MARCHF1: variants seen among roughly 807,000 people sequenced by gnomAD.
MARCHF1 encodes E3 ubiquitin-protein ligase MARCHF1.
A neutral mutation model predicts 54.2 loss-of-function variants in MARCHF1; 40 were observed. The ratio of observed to expected loss-of-function variants is 0.74; its 90% CI spans 0.57 to 0.96. The LOEUF is 0.96. MARCHF1 is among the 40% of genes least tolerant of loss of function. MARCHF1 has a pLI of 0.00. For synonymous variants in MARCHF1, 236 were observed against 236.3 expected (o/e 1.00, Z 0.01); for missense variants, 586 against 656.5 (o/e 0.89, Z 1.17).
intron 1 of MARCHF1, among the ~76,000 whole-genome samples, chr4:164,216,467 A>G (rs748029136): frequency 4.3e-4 from 66 of 152,346 alleles, no homozygotes; most frequent in Non-Finnish European, 8.4e-4. Context: ...AAGGAAAGAA[A>G]AGAAAAAAAT....
intron 2 of MARCHF1, among the ~76,000 whole-genome samples, chr4:164,045,953 T>C (rs1175514090): frequency 6.6e-6 from 1 of 152,212 alleles, no homozygotes; most frequent in Non-Finnish European, 1.5e-5. Flanking sequence ...TGCTGTCACT[T>C]CATGGATGCT....
At chr4:163,872,460 A>C (rs1560797630) in intron 3 of MARCHF1, among the ~76,000 whole-genome samples, 1 of 152,218 alleles carries the variant, frequency 6.6e-6, no homozygotes, top group Non-Finnish European at 1.5e-5. Context: ...GAGAAATTTG[A>C]AAATCATGCT....
At position 164,277,598 on chromosome 4, in the gene MARCHF1, T is replaced by A. The variant is rs572227112; in HGVS notation, c.-323+106272A>T. Among the ~76,000 whole-genome samples, 169 of 152,384 alleles carry A rather than the reference T, an allele frequency of 1.1e-3. 1 individual carries two copies. The highest frequency in any genetic ancestry group is 4.0e-3 in the African/African-American group (165 of 41,600). On this transcript the variant is annotated intron_variant, in intron 1 of 9. Coordinates refer to ENST00000514618, the MANE Select transcript of MARCHF1 (RefSeq NM_001394959.1). ...CTTTCCACTTTTGCCAACTAATCCC[T>A]GCTCAACTTTTAATCTCAGCAGGAG...
At chr4:163,601,643 A>C (rs2110888327) in intron 7 of MARCHF1, among the ~76,000 whole-genome samples, 1 of 152,246 alleles carries the variant, frequency 6.6e-6, no homozygotes, top group Middle Eastern at 3.4e-3. Flanking sequence ...ATATAGCCTC[A>C]TAACACGTAA....
Position 164,226,809 on chromosome 4 carries a change from C to T in MARCHF1, c.-322-115147G>A, listed in dbSNP as rs947837130. On this transcript the variant is annotated intron_variant, in intron 1 of 9. Coordinates refer to ENST00000514618, the MANE Select transcript of MARCHF1 (RefSeq NM_001394959.1). ...CCCCATCTCTCTCATTAACTTGCTT[C>T]CTAGTGAAATTTTTTACCCATAACA... is the stretch of plus-strand genomic sequence containing the variant. Among the ~76,000 whole-genome samples, 5 of 152,046 alleles carry T rather than the reference C, an allele frequency of 3.3e-5. No individual in the cohort carries two copies. The South Asian group carries it at 1.0e-3, about 32-fold the overall frequency.
At chr4:163,855,850 G>C (rs1037542616) in intron 3 of MARCHF1, among the ~76,000 whole-genome samples, 4 of 152,122 alleles carry the variant, frequency 2.6e-5, no homozygotes, top group Non-Finnish European at 4.4e-5. Flanking sequence ...GGTGGCAGTA[G>C]CTTTGTCATT....
chr4:164,318,872 G>T lies in MARCHF1; in HGVS notation c.-323+64998C>A, dbSNP rs1398571679. ...ATGAGAATACTAATCTATATCATTT[G>T]TAATATGTTTATATATAAAACACAC... is the stretch of plus-strand genomic sequence containing the variant. On this transcript the variant is annotated intron_variant, in intron 1 of 9. Coordinates refer to ENST00000514618, the MANE Select transcript of MARCHF1 (RefSeq NM_001394959.1). 2.0e-5 allele frequency among the ~76,000 whole-genome samples: 3 copies of T among 152,152 alleles called. No homozygotes were observed. The East Asian group carries it at 5.8e-4, about 29-fold the overall frequency.
intron 4 of MARCHF1, among the ~76,000 whole-genome samples, chr4:163,799,647 G>T (rs1019192115): frequency 6.6e-6 from 1 of 151,994 alleles, no homozygotes; most frequent in East Asian, 1.9e-4. Flanking sequence ...TATCTTTATA[G>T]GGCTTAAAAA....
chr4:163,938,872 T>C (rs889757285), intron 3 of MARCHF1, among the ~76,000 whole-genome samples: 5 of 152,088 alleles, frequency 3.3e-5, no homozygotes, highest in Non-Finnish European at 5.9e-5. Context: ...ACTCACTCAG[T>C]ATCATGAGAA....
chr4:163,949,675 T>C (rs1299898411), intron 3 of MARCHF1, among the ~76,000 whole-genome samples: 1 of 151,778 alleles, frequency 6.6e-6, no homozygotes, highest in African/African-American at 2.4e-5. Flanking sequence ...TCCAGGCTGG[T>C]TGTCCTGATG....
At chr4:164,011,487 A>G (rs188754760) in intron 2 of MARCHF1, among the ~76,000 whole-genome samples, 2 of 152,362 alleles carry the variant, frequency 1.3e-5, no homozygotes, top group East Asian at 3.9e-4. Flanking sequence ...CAAAAGAAAC[A>G]TATACATGGC....
chr4:164,234,966 G>A (rs1435458722), intron 1 of MARCHF1: 1 of 152,068 alleles, frequency 6.6e-6, no homozygotes, highest in East Asian at 1.9e-4. Flanking sequence ...TTTTATCACA[G>A]CTTCAATCAG....
At chr4:163,743,396 C>A (rs928791611) in intron 4 of MARCHF1, among the ~76,000 whole-genome samples, 1 of 152,138 alleles carries the variant, frequency 6.6e-6, no homozygotes, top group Non-Finnish European at 1.5e-5. Context: ...TTAAACCCAA[C>A]GAACAGGGGC....
intron 4 of MARCHF1, among the ~76,000 whole-genome samples, chr4:163,710,089 G>A (rs899758547): frequency 6.6e-6 from 1 of 152,080 alleles, no homozygotes; most frequent in Non-Finnish European, 1.5e-5. Context: ...GGGTAAACTT[G>A]CTAATCTCTT....
At chr4:164,149,278 T>A (rs558773452) in intron 1 of MARCHF1, among the ~76,000 whole-genome samples, 2 of 152,294 alleles carry the variant, frequency 1.3e-5, no homozygotes, top group Admixed American at 1.3e-4. Flanking sequence ...AGTCATTCCT[T>A]TATAGCAATG....
At chr4:164,035,628 G>T (rs941012714) in intron 2 of MARCHF1, among the ~76,000 whole-genome samples, 3 of 18,082 alleles carry the variant, frequency 1.7e-4, no homozygotes, top group Admixed American at 9.2e-4. Flanking sequence ...CAGAGATAAA[G>T]AATACAAAAA....
At chr4:163,652,311 C>G (rs1742995328) in intron 5 of MARCHF1, among the ~76,000 whole-genome samples, 2 of 151,936 alleles carry the variant, frequency 1.3e-5, no homozygotes, top group South Asian at 4.1e-4. Flanking sequence ...GAATAACATT[C>G]AAACACTTTG....
intron 2 of MARCHF1, among the ~76,000 whole-genome samples, chr4:164,002,284 A>G (rs1216178384): frequency 1.3e-5 from 2 of 151,662 alleles, no homozygotes; most frequent in African/African-American, 4.8e-5. Context: ...AAAAATGGAG[A>G]CGATTAAGTT....
At chr4:164,350,580 T>G (rs1003720691) in intron 1 of MARCHF1, among the ~76,000 whole-genome samples, 23 of 152,346 alleles carry the variant, frequency 1.5e-4, no homozygotes, top group African/African-American at 4.1e-4. Context: ...CTCTACACGC[T>G]ATATACACGT....
Sources: allele counts gnomAD v4.1 joint callset (sites outside exome capture counted in the v4.1 genomes callset), GRCh38; gene constraint gnomAD v4.1.1; transcripts MANE v1.5; gene names NCBI Gene and HGNC (gene_info 2026-07-23, HGNC 2026-07-21).